The following GLP2R variants were observed in gnomAD, a reference collection of about 807,000 sequenced individuals.
GLP2R encodes the protein glucagon-like peptide 2 receptor.
GLP2R carries 59 observed loss-of-function variants against 68.2 expected under a neutral mutation model. The ratio of observed to expected loss-of-function variants is 0.87; its 90% confidence interval spans 0.70 to 1.07. The LOEUF is 1.07. GLP2R is among the 50% of genes least tolerant of loss of function. The probability of loss-of-function intolerance (pLI) is 0.00; values close to 1 mark genes in which losing one functional copy is unlikely to be tolerated. For missense variants in GLP2R, 548 were observed against 677.4 expected (o/e 0.81, Z 2.12); for synonymous variants, 270 against 265.4 (o/e 1.02, Z -0.17).
intron 2 of GLP2R, among the ~76,000 whole-genome samples, chr17:9,835,025 CTTTTT>C (rs35950679): frequency 2.4e-5 from 2 of 83,150 alleles, no homozygotes; most frequent in Non-Finnish European, 4.5e-5. Context: ...GAAACCTGGC[CTTTTT>C]TTTTTTTTTT....
chr17:9,836,281 G>A (rs1012828179), intron 2 of GLP2R, 90 bp from the exon 3 acceptor site: 45 of 834,668 alleles, frequency 5.4e-5, no homozygotes, highest in African/African-American at 2.0e-4. Context: ...CCAGTGCCAG[G>A]AAGGTGGGCT....
intron 9 of GLP2R, among the ~76,000 whole-genome samples, chr17:9,862,960 T>C (rs1264918176): frequency 1.3e-5 from 2 of 152,172 alleles, no homozygotes; most frequent in Admixed American, 1.3e-4. Flanking sequence ...TTGTCAATAA[T>C]AGAAGGCAAC....
At chr17:9,839,421 G>C (rs7208260) in intron 3 of GLP2R, among the ~76,000 whole-genome samples, 58,240 of 151,494 alleles carry the variant, frequency 0.38, 11,366 homozygotes, top group Non-Finnish European at 0.41. Context: ...CTCCTTCTCC[G>C]CCTCTCTTCC....
chr17:9,832,502 C>A (rs2066689813), intron 1 of GLP2R, among the ~76,000 whole-genome samples: 1 of 152,170 alleles, frequency 6.6e-6, no homozygotes, highest in Non-Finnish European at 1.5e-5. Flanking sequence ...GCGGAGGTTG[C>A]AGTGAGCTGA....
At chr17:9,843,843 T>C (rs1402812737) in intron 4 of GLP2R, among the ~76,000 whole-genome samples, 1 of 152,096 alleles carries the variant, frequency 6.6e-6, no homozygotes, top group Non-Finnish European at 1.5e-5. Context: ...GCATATACGA[T>C]GGGTTAGGTT....
chr17:9,839,003 A>G (rs1432882743), intron 3 of GLP2R, among the ~76,000 whole-genome samples: 2 of 152,224 alleles, frequency 1.3e-5, no homozygotes, highest in African/African-American at 4.8e-5. Flanking sequence ...CAGAAGCTGT[A>G]ACTGACGACT....
rs1432776788 is a variant in GLP2R at position 9,826,147 on chromosome 17, C to T, written c.84C>T (p.Ile28=). 6 of 1,611,866 alleles carry T rather than the reference C, an allele frequency of 3.7e-6. No individual in the cohort carries two copies. The highest frequency in any genetic ancestry group is 3.3e-5 in the Admixed American group (2 of 59,862). Residue 28 remains isoleucine (I), a synonymous_variant, in exon 1 of 13, where the codon ATC becomes ATT. Transcript: ENST00000262441. The part of the protein sequence containing the change: ...LPGVHELPMG[I]PAPWGTSPLS... ...GCGTCCACGAGCTGCCCATGGGCAT[C>T]CCTGCCCCCTGGGGGACCAGTCCTC...
chr17:9,839,799 A>G (rs2066768236), intron 3 of GLP2R, among the ~76,000 whole-genome samples: 1 of 152,114 alleles, frequency 6.6e-6, no homozygotes, highest in Non-Finnish European at 1.5e-5. Flanking sequence ...CACCTGGTCC[A>G]GCTCTTGCCA....
chr17:9,861,975 T>C, intron 8 of GLP2R, 46 bp from the exon 9 acceptor site: 2 of 1,336,114 alleles, frequency 1.5e-6, no homozygotes, highest in Non-Finnish European at 2.2e-6. Flanking sequence ...TTCAACCTCC[T>C]CTTGTTTTTA....
chr17:9,853,249 A>G, intron 4 of GLP2R: 1 of 312,292 alleles, frequency 3.2e-6, no homozygotes. Context: ...TTAGTTCACA[A>G]CTGAAAACAT....
In GLP2R at chr17:9,857,528, C is replaced by A. The variant is rs1567727498; in HGVS notation, c.717C>A (p.Tyr239Ter). The change falls in exon 6 of 13, where the codon TAC (tyrosine) becomes TAA (stop). Residue 239 changes from tyrosine to a stop codon, truncating the protein, a stop_gained. Coordinates refer to ENST00000262441, the MANE Select transcript of GLP2R (RefSeq NM_004246.3). LOFTEE classifies it high-confidence loss of function. Reference sequence around the variant, plus strand: ...AGGACGTCGTCTTCTACAACTCTTACTCCAAGAGGCCTGACAATGAGAATG... The same window carrying A: ...AGGACGTCGTCTTCTACAACTCTTAATCCAAGAGGCCTGACAATGAGAATG... ...LVKDVVFYNS[Y>*]SKRPDNENGW... 1.2e-6 allele frequency: 2 copies of A among 1,614,048 alleles called. No individual in the cohort carries two copies. The highest frequency in any genetic ancestry group is 1.7e-5 in the Admixed American group (1 of 60,004).
At chr17:9,830,042 A>T (rs997375612) in intron 1 of GLP2R, among the ~76,000 whole-genome samples, 1 of 152,164 alleles carries the variant, frequency 6.6e-6, no homozygotes, top group African/African-American at 2.4e-5. Context: ...TTCTTTCCTC[A>T]TGACTTTGGG....
intron 9 of GLP2R, among the ~76,000 whole-genome samples, chr17:9,868,012 G>C (rs1241896608): frequency 1.3e-5 from 2 of 152,150 alleles, no homozygotes; most frequent in East Asian, 3.9e-4. Context: ...CTGTACTCTG[G>C]GTTTTCCCAC....
chr17:9,841,212 G>C (rs921721264), intron 3 of GLP2R, among the ~76,000 whole-genome samples: 1 of 149,534 alleles, frequency 6.7e-6, no homozygotes, highest in African/African-American at 2.5e-5. Flanking sequence ...ATTTTTAGTA[G>C]AGACAGGGTT....
At chr17:9,888,091 G>A in intron 12 of GLP2R, 118 bp downstream of exon 12, 2 of 803,224 alleles carry the variant, frequency 2.5e-6, no homozygotes, top group Non-Finnish European at 4.5e-6. Flanking sequence ...TGACCAGCAT[G>A]TGTGGGGACA....
chr17:9,839,416 T>C (rs944316858), intron 3 of GLP2R, among the ~76,000 whole-genome samples: 3 of 151,864 alleles, frequency 2.0e-5, no homozygotes, highest in African/African-American at 7.3e-5. Flanking sequence ...TCCTCCTCCT[T>C]CTCCGCCTCT....
intron 11 of GLP2R, among the ~76,000 whole-genome samples, chr17:9,887,113 C>T (rs1335517177): frequency 6.6e-6 from 1 of 152,006 alleles, no homozygotes; most frequent in African/African-American, 2.4e-5. Context: ...CCATTTTGGG[C>T]TGAGTATTGT....
intron 3 of GLP2R, among the ~76,000 whole-genome samples, chr17:9,838,512 C>G (rs540636852): frequency 6.6e-6 from 1 of 152,194 alleles, no homozygotes; most frequent in South Asian, 2.1e-4. Context: ...CTACCTGTCC[C>G]TCTCTGCTCA....
chr17:9,871,497 A>G (rs894324807), intron 10 of GLP2R, among the ~76,000 whole-genome samples: 1 of 152,136 alleles, frequency 6.6e-6, no homozygotes, highest in Non-Finnish European at 1.5e-5. Flanking sequence ...TGAGACCACA[A>G]ACTTTTAGGG....
Sources: gnomAD v4.1 joint callset for allele counts (sites outside exome capture counted in the v4.1 genomes callset) on GRCh38, gnomAD v4.1.1 for gene constraint, MANE v1.5 for transcripts, NCBI Gene and HGNC (gene_info 2026-07-23, HGNC 2026-07-21) for gene names.